The following NSMCE2 variants were observed in gnomAD, a reference collection of about 807,000 sequenced individuals.
NSMCE2 encodes NSE2 SUMO ligase component of SMC5/6 complex.
NSMCE2 carries 24 observed loss-of-function variants against 23.8 expected under a neutral mutation model. The ratio of observed to expected loss-of-function variants is 1.01; its 90% CI spans 0.73 to 1.42. The LOEUF is 1.42. Among genes scored for constraint, NSMCE2 ranks in the 40% most tolerant of loss-of-function variants. NSMCE2 has a pLI of 0.00. For synonymous variants in NSMCE2, 92 were observed against 94.1 expected, an observed-to-expected ratio of 0.98 and a Z score of 0.13; for missense variants, 284 against 296.5, an observed-to-expected ratio of 0.96 and a Z score of 0.31.
chr8:125,264,684 G>A (rs1014757675), intron 5 of NSMCE2, among the ~76,000 whole-genome samples: 2 of 152,186 alleles, frequency 1.3e-5, no homozygotes. Context: ...CTTCAGAACC[G>A]TGTAAGAGCT....
intron 5 of NSMCE2, among the ~76,000 whole-genome samples, chr8:125,356,706 T>A (rs531950491): frequency 2.0e-4 from 31 of 152,320 alleles, no homozygotes; most frequent in African/African-American, 7.5e-4. Flanking sequence ...ATAACCCACA[T>A]AGAAAAAGCT....
intron 3 of NSMCE2, among the ~76,000 whole-genome samples, chr8:125,150,573 G>C (rs1367508550): frequency 6.6e-6 from 1 of 151,104 alleles, no homozygotes; most frequent in Non-Finnish European, 1.5e-5. Flanking sequence ...ATAGAGACTA[G>C]GTTTCACCAT....
chr8:125,233,057 C>A (rs527285522), intron 5 of NSMCE2, among the ~76,000 whole-genome samples: 2 of 152,168 alleles, frequency 1.3e-5, no homozygotes, highest in South Asian at 4.1e-4. Context: ...GGGATGTGAC[C>A]TTACGGAAAA....
chr8:125,188,926 G>A (rs896783868), intron 5 of NSMCE2, among the ~76,000 whole-genome samples: 2 of 152,214 alleles, frequency 1.3e-5, no homozygotes, highest in Admixed American at 1.3e-4. Flanking sequence ...AAAGGTATGT[G>A]TGAGTTTTGA....
At chr8:125,246,993 G>A (rs895177463) in intron 5 of NSMCE2, among the ~76,000 whole-genome samples, 20 of 151,054 alleles carry the variant, frequency 1.3e-4, no homozygotes, top group Admixed American at 4.0e-4. Context: ...CTATAGTCAC[G>A]TTGCTTTACT....
At chr8:125,294,824 TACTACTATGTG>T (rs1490981402) in intron 5 of NSMCE2, among the ~76,000 whole-genome samples, 2 of 152,252 alleles carry the variant, frequency 1.3e-5, no homozygotes, top group Admixed American at 1.3e-4. Flanking sequence ...GCTACTCAAG[TACTACTATGTG>T]ACATTTACTG....
chr8:125,211,969 G>A (rs1417097630), intron 5 of NSMCE2, among the ~76,000 whole-genome samples: 1 of 152,162 alleles, frequency 6.6e-6, no homozygotes, highest in Non-Finnish European at 1.5e-5. Context: ...GTACTTGTCA[G>A]ACCAGGTATC....
At chr8:125,149,395 GTAT>G (rs947265420) in intron 3 of NSMCE2, among the ~76,000 whole-genome samples, 139 of 151,298 alleles carry the variant, frequency 9.2e-4, no homozygotes, top group African/African-American at 3.3e-3. Flanking sequence ...ATCATCTGTG[GTAT>G]TATTCTTCAG....
At chr8:125,297,276 A>T (rs1828367829) in intron 5 of NSMCE2, among the ~76,000 whole-genome samples, 1 of 152,214 alleles carries the variant, frequency 6.6e-6, no homozygotes, top group Admixed American at 6.5e-5. Flanking sequence ...CATCTCCAGG[A>T]TAATACATTG....
chr8:125,239,203 T>A (rs1197722442), intron 5 of NSMCE2, among the ~76,000 whole-genome samples: 1 of 152,182 alleles, frequency 6.6e-6, no homozygotes, highest in Non-Finnish European at 1.5e-5. Flanking sequence ...TAGGTTAGGT[T>A]GCATCAGAAC....
At chr8:125,287,937 G>A (rs778824214) in intron 5 of NSMCE2, among the ~76,000 whole-genome samples, 1 of 151,364 alleles carries the variant, frequency 6.6e-6, no homozygotes, top group East Asian at 1.9e-4. Context: ...TCCCTTGTGC[G>A]GGATCCTTCT....
intron 5 of NSMCE2, among the ~76,000 whole-genome samples, chr8:125,304,835 C>T (rs1828691238): frequency 6.8e-6 from 1 of 147,912 alleles, no homozygotes; most frequent in African/African-American, 2.5e-5. Context: ...TTACAGTGAG[C>T]TGAGATCGTG....
chr8:125,340,139 C>G (rs1347115448), intron 5 of NSMCE2, among the ~76,000 whole-genome samples: 2 of 151,128 alleles, frequency 1.3e-5, no homozygotes, highest in African/African-American at 2.4e-5. Flanking sequence ...CTCAGCCTCC[C>G]GAGTAGCTGG....
chr8:125,353,213 G>A (rs1017366358), intron 5 of NSMCE2, among the ~76,000 whole-genome samples: 3 of 152,180 alleles, frequency 2.0e-5, no homozygotes, highest in Non-Finnish European at 4.4e-5. Flanking sequence ...CTGGCACAAC[G>A]TATACAGTCA....
rs765684424 is a variant in NSMCE2, at chr8:125,106,277, T to C, written c.157+3790T>C. The stretch of plus-strand genomic sequence containing the variant: ...CAATGAGAAAACAGAAAAGATGTTA[T>C]AAAGCTGCAAATAACTAATATCACC... On this transcript the variant is annotated intron_variant, in intron 3 of 7. Coordinates refer to ENST00000287437, the MANE Select transcript of NSMCE2 (RefSeq NM_173685.4). 1.1e-4 allele frequency among the ~76,000 whole-genome samples: 16 copies of C among 152,202 alleles called. 1 individual carries two copies. Among genetic ancestry groups the C allele is most frequent in the Admixed American group, 2.6e-4 (4 of 15,270 alleles).
rs903562118 is a variant in NSMCE2, at chr8:125,181,998, A to G, written c.265-105A>G. 8 of 845,528 alleles carry G rather than the reference A, an allele frequency of 9.5e-6. No homozygotes were observed. In the African/African-American group the frequency reaches 1.4e-4, roughly 15 times the overall value. 52.4% of individuals were successfully genotyped at this position (845,528 alleles called of 1,614,324 possible). On this transcript the variant is annotated intron_variant, in intron 4 of 7. Transcript: ENST00000287437. ...TGTTCAAGAGATTGTTTTCAACCTC[A>G]CTATCTTTTGCTTTGAATTATCTGA...
intron 5 of NSMCE2, among the ~76,000 whole-genome samples, chr8:125,288,315 T>C (rs1827977801): frequency 6.6e-6 from 1 of 152,190 alleles, no homozygotes; most frequent in Non-Finnish European, 1.5e-5. Flanking sequence ...AGCCTCAAGA[T>C]AATTTTTTTC....
intron 5 of NSMCE2, among the ~76,000 whole-genome samples, chr8:125,213,707 C>T (rs566805313): frequency 1.6e-5 from 2 of 123,330 alleles, no homozygotes; most frequent in Admixed American, 8.4e-5. Context: ...TTCCCTCCCT[C>T]CCTTCCTTCC....
At chr8:125,180,667 G>A (rs1586573685) in intron 4 of NSMCE2, among the ~76,000 whole-genome samples, 1 of 152,210 alleles carries the variant, frequency 6.6e-6, no homozygotes, top group African/African-American at 2.4e-5. Flanking sequence ...CTAGTTGGAT[G>A]TAGAAGATAA....
Sources: gnomAD v4.1 joint callset for allele counts (sites outside exome capture counted in the v4.1 genomes callset) on GRCh38, gnomAD v4.1.1 for gene constraint, MANE v1.5 for transcripts, NCBI Gene and HGNC (gene_info 2026-07-23, HGNC 2026-07-21) for gene names.